Variants in ACAA2 observed in about 807,000 individuals in gnomAD.
ACAA2 encodes the protein 3-ketoacyl-CoA thiolase, mitochondrial.
Under a neutral mutation model 44.8 loss-of-function variants are expected in ACAA2, and 35 were observed. That is an observed-to-expected ratio of 0.78 (90% CI 0.60 to 1.04). The LOEUF is 1.04. ACAA2 is among the 50% of genes least tolerant of loss of function. The probability of loss-of-function intolerance (pLI) is 0.00; values close to 1 mark genes in which losing one functional copy is unlikely to be tolerated. For synonymous variants in ACAA2, 142 were observed against 166.5 expected, an observed-to-expected ratio of 0.85 and a Z score of 1.13; for missense variants, 468 against 482.6, an observed-to-expected ratio of 0.97 and a Z score of 0.28.
chr18:49,801,969 C>A (rs1230513588), intron 2 of ACAA2, among the ~76,000 whole-genome samples: 1 of 151,890 alleles, frequency 6.6e-6, no homozygotes, highest in African/African-American at 2.4e-5. Flanking sequence ...TGATTTTGTA[C>A]ATCACACATA....
chr18:49,784,366 C>G (rs2023302309), intron 9 of ACAA2, among the ~76,000 whole-genome samples: 1 of 152,094 alleles, frequency 6.6e-6, no homozygotes, highest in Non-Finnish European at 1.5e-5. Flanking sequence ...CTCATGGCAC[C>G]TTAGAAGAAA....
chr18:49,786,507 T>C (rs2023330923), intron 8 of ACAA2: 1 of 152,172 alleles, frequency 6.6e-6, no homozygotes, highest in African/African-American at 2.4e-5. Flanking sequence ...AGATAAACCA[T>C]TTGTCTGAAA....
chr18:49,800,255 TCCGGGAGGGAGGGAGGTGGGGGGGTC>T (rs2023528381), intron 2 of ACAA2, among the ~76,000 whole-genome samples: 1 of 137,750 alleles, frequency 7.3e-6, no homozygotes, highest in Admixed American at 7.2e-5. Flanking sequence ...AGCCGCCCCG[TCCGGGAGGGAGGGAGGTGGGGGGGTC>T]AGCCCCCCGC....
At chr18:49,793,620 A>C (rs2023431663) in intron 5 of ACAA2, among the ~76,000 whole-genome samples, 1 of 152,250 alleles carries the variant, frequency 6.6e-6, no homozygotes, top group Non-Finnish European at 1.5e-5. Flanking sequence ...TCAAGCATTT[A>C]ATATTCCTAA....
At chr18:49,796,692 T>C (rs2023468640) in intron 3 of ACAA2, among the ~76,000 whole-genome samples, 1 of 151,978 alleles carries the variant, frequency 6.6e-6, no homozygotes, top group African/African-American at 2.4e-5. Context: ...CCTTATCCTC[T>C]CCTAAATTCT....
intron 2 of ACAA2, among the ~76,000 whole-genome samples, chr18:49,801,814 A>ATATATATATATATCTC (rs1491158195): frequency 2.7e-4 from 37 of 134,988 alleles, no homozygotes; most frequent in Admixed American, 1.1e-3. Flanking sequence ...ATATATATAT[A>ATATATATATATATCTC]TCTTATCTTT....
chr18:49,803,239 AAATAATAAT>A (rs10639158), intron 1 of ACAA2, among the ~76,000 whole-genome samples: 117 of 142,386 alleles, frequency 8.2e-4, no homozygotes, highest in East Asian at 1.4e-3. Flanking sequence ...CTGGTAGTTA[AAATAATAAT>A]AATAATAATA....
chr18:49,805,892 A>G (rs2023605858), intron 1 of ACAA2, among the ~76,000 whole-genome samples: 1 of 151,886 alleles, frequency 6.6e-6, no homozygotes, highest in East Asian at 1.9e-4. Context: ...CACCTGGCCT[A>G]TCAGTGGTTG....
At position 49,806,982 on chromosome 18, in the gene ACAA2, A is replaced by C. The variant is rs115052152; in HGVS notation, c.17-4129T>G. Among the ~76,000 whole-genome samples the C allele has an allele frequency of 6.4e-3, 969 of 152,350 alleles. 10 individuals carry two copies. Among genetic ancestry groups the C allele is most frequent in the African/African-American group, 0.022 (898 of 41,572 alleles). On this transcript the variant is annotated intron_variant, in intron 1 of 9. Transcript: ENST00000285093. ...ATTAAAAAACAAAGCCAGAACCTCAAGGTCTGACAAAGGAGGAAAGGCAAT... is the reference window on the plus strand; with the variant it reads ...ATTAAAAAACAAAGCCAGAACCTCACGGTCTGACAAAGGAGGAAAGGCAAT...
intron 7 of ACAA2, among the ~76,000 whole-genome samples, chr18:49,787,884 C>T (rs1236224639): frequency 6.6e-6 from 1 of 152,130 alleles, no homozygotes; most frequent in Non-Finnish European, 1.5e-5. Context: ...ATTCACAGCA[C>T]AGAAGTTACT....
chr18:49,800,216 AG>A (rs2023526768), intron 2 of ACAA2, among the ~76,000 whole-genome samples: 1 of 128,778 alleles, frequency 7.8e-6, no homozygotes, highest in African/African-American at 3.1e-5. Flanking sequence ...CCCGTCCGGG[AG>A]GTGGGGGGGT....
At chr18:49,810,901 TTTG>T (rs1475278965) in intron 1 of ACAA2, among the ~76,000 whole-genome samples, 2 of 87,960 alleles carry the variant, frequency 2.3e-5, no homozygotes, top group Non-Finnish European at 5.4e-5. Context: ...TAAAAAATAA[TTTG>T]TTATTATTAT....
intron 1 of ACAA2, among the ~76,000 whole-genome samples, chr18:49,803,106 T>C (rs1326041686): frequency 6.6e-6 from 1 of 151,926 alleles, no homozygotes; most frequent in Non-Finnish European, 1.5e-5. Flanking sequence ...AGACCACCAC[T>C]TCTCCTGCGC....
intron 5 of ACAA2, among the ~76,000 whole-genome samples, chr18:49,793,413 G>T (rs2023428895): frequency 6.6e-6 from 1 of 152,130 alleles, no homozygotes; most frequent in Admixed American, 6.5e-5. Flanking sequence ...TCTTACAGAG[G>T]TTCAGTGAAT....
At chr18:49,805,497 C>T (rs912394547) in intron 1 of ACAA2, among the ~76,000 whole-genome samples, 1 of 152,152 alleles carries the variant, frequency 6.6e-6, no homozygotes, top group Non-Finnish European at 1.5e-5. Flanking sequence ...TACCATGATG[C>T]CTTCCTGAAT....
intron 3 of ACAA2, among the ~76,000 whole-genome samples, chr18:49,796,799 C>T (rs981133727): frequency 6.6e-5 from 10 of 152,180 alleles, no homozygotes; most frequent in African/African-American, 2.2e-4. Context: ...ACCTTAATGG[C>T]TTTAATCAGT....
Position 49,787,372 on chromosome 18 carries a change from A to G in ACAA2, c.884-11T>C. ...TAGCAGGGACAGGACCTATATAATA[A>G]TAAAAATCTTCTATAAAAATATAGA... On this transcript the variant is annotated splice_polypyrimidine_tract_variant and intron_variant, in intron 7 of 9. Transcript: ENST00000285093. The G allele has an allele frequency of 7.2e-7, 1 of 1,392,550 alleles. No homozygotes were observed. Among genetic ancestry groups the G allele is most frequent in the Non-Finnish European group, 9.4e-7 (1 of 1,066,182 alleles). 86.3% of individuals were successfully genotyped at this position (1,392,550 alleles called of 1,614,324 possible). A position where few individuals can be genotyped will look rare whatever the true frequency, so the allele number is the denominator to read the frequency against.
chr18:49,788,307 C>T (rs1190948278), intron 7 of ACAA2, among the ~76,000 whole-genome samples: 4 of 152,122 alleles, frequency 2.6e-5, no homozygotes, highest in African/African-American at 4.8e-5. Flanking sequence ...TTCAAGTAGT[C>T]AAATATTCTG....
chr18:49,807,393 G>A (rs975789051), intron 1 of ACAA2, among the ~76,000 whole-genome samples: 8 of 151,702 alleles, frequency 5.3e-5, no homozygotes, highest in Non-Finnish European at 8.8e-5. Context: ...CAAAAACAAA[G>A]AGATCATAGA....
Sources: allele counts gnomAD v4.1 joint callset (sites outside exome capture counted in the v4.1 genomes callset), GRCh38; gene constraint gnomAD v4.1.1; transcripts MANE v1.5; gene names NCBI Gene and HGNC (gene_info 2026-07-23, HGNC 2026-07-21).